PTCD1: variants seen among roughly 807,000 people sequenced by gnomAD.
PTCD1 encodes pentatricopeptide repeat-containing protein 1, mitochondrial.
Under a neutral mutation model 53.4 loss-of-function variants are expected in PTCD1, and 50 were observed. That is an observed-to-expected ratio of 0.94 (90% CI 0.75 to 1.19). The LOEUF (loss-of-function observed/expected upper bound fraction) is 1.19. PTCD1 is among the 50% of genes most tolerant of loss of function. The pLI, the probability that PTCD1 is intolerant of heterozygous loss-of-function variation, is 0.00. For missense variants in PTCD1, 918 were observed against 904.8 expected (o/e 1.01, Z -0.19); for synonymous variants, 413 against 394.8 (o/e 1.05, Z -0.55).
chr7:99,433,483 G>T, intron 2 of PTCD1, 65 bp from the exon 3 acceptor site: 1 of 1,612,208 alleles, frequency 6.2e-7, no homozygotes, highest in Non-Finnish European at 8.5e-7. Flanking sequence ...CAGAGAGAGG[G>T]AGGTTGAAGC....
rs115208339 is a variant in PTCD1, at chr7:99,433,266, G to A, written c.594+12C>T. 9.8e-4 allele frequency: 1,579 copies of A among 1,614,078 alleles called. 9 individuals are homozygous for A. In the African/African-American group the frequency reaches 0.019, roughly 19 times the overall value. Reference sequence around the variant, plus strand: ...CAGAGCCTCACCCCGGCTGCCCTGCGCCCACATGCACCTGGTTGTAGAGGT... The same window carrying A: ...CAGAGCCTCACCCCGGCTGCCCTGCACCCACATGCACCTGGTTGTAGAGGT... On this transcript the variant is annotated intron_variant, in intron 3 of 7. Transcript: ENST00000292478.
At chr7:99,420,275 A>G in intron 7 of PTCD1, 126 bp from the exon 8 acceptor site, 1 of 1,367,444 alleles carries the variant, frequency 7.3e-7, no homozygotes. Flanking sequence ...GCTGCAGAGG[A>G]CAGGGCAGAA....
intron 3 of PTCD1, among the ~76,000 whole-genome samples, chr7:99,432,625 G>A (rs969073622): frequency 6.6e-6 from 1 of 152,052 alleles, no homozygotes; most frequent in African/African-American, 2.4e-5. Flanking sequence ...CTCCGTATGC[G>A]GGATGCTGAG....
chr7:99,423,647 A>G, intron 7 of PTCD1, 128 bp downstream of exon 7: 1 of 1,481,116 alleles, frequency 6.8e-7, no homozygotes, highest in Non-Finnish European at 9.3e-7. Context: ...TACTGCTCCT[A>G]AGGGAAGCTG....
At chr7:99,432,929 C>G in intron 3 of PTCD1, 2 of 402,130 alleles carry the variant, frequency 5.0e-6, no homozygotes, top group South Asian at 4.3e-5. Flanking sequence ...CACACCTGTG[C>G]TCACAGCTAC....
intron 1 of PTCD1, 122 bp downstream of exon 1, chr7:99,438,570 T>C: frequency 1.8e-6 from 2 of 1,132,618 alleles, no homozygotes; most frequent in Non-Finnish European, 1.1e-6. Context: ...CACGGACTTC[T>C]GCAGCCTCAG....
At chr7:99,432,986 C>T (rs1253801970) in intron 3 of PTCD1, 4 of 488,800 alleles carry the variant, frequency 8.2e-6, no homozygotes, top group Non-Finnish European at 1.5e-5. Flanking sequence ...GAGTTGGAGG[C>T]TGCAGTGAGC....
In PTCD1 at chr7:99,424,510, A is replaced by G. The variant is rs1584455097; in HGVS notation, c.1737+285T>C. ...CTGAGAATCCCTGCCATACCTCTAG[A>G]GTGTTGGGGCCGAGGCCTGTGCCCA... is the stretch of plus-strand genomic sequence containing the variant. On this transcript the variant is annotated intron_variant, in intron 6 of 7. Coordinates refer to ENST00000292478, the MANE Select transcript of PTCD1 (RefSeq NM_015545.4). 2.0e-5 allele frequency among the ~76,000 whole-genome samples: 3 copies of G among 152,314 alleles called. No individual in the cohort carries two copies. The East Asian group carries it at 5.8e-4, about 29-fold the overall frequency.
intron 3 of PTCD1, 82 bp from the exon 4 acceptor site, chr7:99,429,888 C>T: frequency 6.5e-7 from 1 of 1,548,584 alleles, no homozygotes; most frequent in Non-Finnish European, 8.8e-7. Flanking sequence ...GAGGCTGAGG[C>T]TGGAGAGGAC....
intron 5 of PTCD1, among the ~76,000 whole-genome samples, 197 bp downstream of exon 5, chr7:99,428,906 C>T (rs536596594): frequency 1.5e-4 from 23 of 151,994 alleles, no homozygotes; most frequent in African/African-American, 5.1e-4. Context: ...GGGCGGGGGC[C>T]ACCCTCATTC....
rs1795717913 is a variant in PTCD1 at position 99,419,789 on chromosome 7, C to T, written c.*178G>A. 3 of 1,054,936 alleles carry T rather than the reference C, an allele frequency of 2.8e-6. No homozygotes were observed. The highest frequency in any genetic ancestry group is 1.6e-5 in the South Asian group (1 of 63,384). 65.3% of individuals were successfully genotyped at this position (1,054,936 alleles called of 1,614,324 possible). On this transcript the variant is annotated 3_prime_UTR_variant, in exon 8 of 8. Coordinates refer to ENST00000292478, the MANE Select transcript of PTCD1 (RefSeq NM_015545.4). ...AAAGGTGGCTGGAGCTGCACTTGGA[C>T]CTGCTGGGAGCACAGGCACCTTGGG...
rs936925054 is a variant in PTCD1 at position 99,419,609 on chromosome 7, T to C, written c.*358A>G. On this transcript the variant is annotated 3_prime_UTR_variant, in exon 8 of 8. Transcript: ENST00000292478. ...GATTTGTAAAAATAAAATCTTTAAA[T>C]CTCTCGAGCCCCACGTCTCTTCTTT... 1.2e-6 allele frequency: 1 copy of C among 860,922 alleles called. No homozygotes were observed. Among genetic ancestry groups the C allele is most frequent in the African/African-American group, 1.7e-5 (1 of 58,618 alleles). The allele number at this position is 860,922 out of a possible 1,614,324, so 53.3% of individuals were successfully genotyped here. A position where few individuals can be genotyped will look rare whatever the true frequency, so the allele number is the denominator to read the frequency against.
At position 99,424,650 on chromosome 7, in the gene PTCD1, G is replaced by A. The variant is rs191497237; in HGVS notation, c.1737+145C>T. ...TCCCCCAAAATGGGACCAAAGACCA[G>A]AAGGTCATTGACCCCACTCTCTTTG... On this transcript the variant is annotated intron_variant, in intron 6 of 7. Transcript: ENST00000292478. 1.6e-4 allele frequency: 176 copies of A among 1,114,268 alleles called. 1 individual carries two copies. In the African/African-American group the frequency reaches 2.4e-3, roughly 15 times the overall value. The allele number at this position is 1,114,268 out of a possible 1,614,324, so 69.0% of individuals were successfully genotyped here. A position where few individuals can be genotyped will look rare whatever the true frequency, so the allele number is the denominator to read the frequency against.
chr7:99,425,553 C>T lies in PTCD1; in HGVS notation c.979G>A (p.Val327Met). ...CCTAGGCCACAGTCCCGAGCTGCCACCAACAGCAGGTTGTAGCTGTCCCGG... is the reference window on the plus strand; with the variant it reads ...CCTAGGCCACAGTCCCGAGCTGCCATCAACAGCAGGTTGTAGCTGTCCCGG... ...PSRDSYNLLLVAARDCGLGDP... is the reference protein window; with the variant it reads ...PSRDSYNLLLMAARDCGLGDP... The change falls in exon 6 of 8, where the codon GTG (valine) becomes ATG (methionine). Residue 327 changes from valine (V) to methionine (M), a missense_variant. Coordinates refer to ENST00000292478, the MANE Select transcript of PTCD1 (RefSeq NM_015545.4). The T allele has an allele frequency of 6.2e-7, 1 of 1,612,780 alleles. No individual in the cohort carries two copies. Among genetic ancestry groups the T allele is most frequent in the East Asian group, 2.2e-5 (1 of 44,890 alleles).
intron 5 of PTCD1, among the ~76,000 whole-genome samples, chr7:99,425,898 C>A (rs987415959): frequency 6.6e-6 from 1 of 152,178 alleles, no homozygotes; most frequent in African/African-American, 2.4e-5. Context: ...GAAACCCCAT[C>A]TCTACTAAAA....
At position 99,417,669 on chromosome 7, in the gene PTCD1, T is replaced by C. The variant is rs111869393; in HGVS notation, c.*2298A>G. The C allele has an allele frequency of 2.2e-3, 3,422 of 1,585,040 alleles. 6 individuals carry two copies. Among genetic ancestry groups the C allele is most frequent in the Middle Eastern group, 7.9e-3 (48 of 6,048 alleles). On this transcript the variant is annotated 3_prime_UTR_variant, in exon 8 of 8. Coordinates refer to ENST00000292478, the MANE Select transcript of PTCD1 (RefSeq NM_015545.4). ...CCTTAGTCGACTGCAAGGGATCTTATGTTATTTGGTTGGGCTGGAATGTCG... is the reference window on the plus strand; with the variant it reads ...CCTTAGTCGACTGCAAGGGATCTTACGTTATTTGGTTGGGCTGGAATGTCG...
At chr7:99,434,100 A>G (rs1024798766) in intron 2 of PTCD1, among the ~76,000 whole-genome samples, 6 of 151,412 alleles carry the variant, frequency 4.0e-5, no homozygotes, top group Non-Finnish European at 7.4e-5. Context: ...ATGAAATGGG[A>G]TAATTAAGAA....
intron 5 of PTCD1, among the ~76,000 whole-genome samples, chr7:99,427,013 C>T (rs190256229): frequency 0.11 from 17,055 of 150,698 alleles, 1,161 homozygotes; most frequent in African/African-American, 0.18. Context: ...GGAGCCCCTC[C>T]GCCCGGGAGT....
intron 7 of PTCD1, among the ~76,000 whole-genome samples, chr7:99,422,131 G>C (rs1795844191): frequency 6.6e-6 from 1 of 152,160 alleles, no homozygotes; most frequent in South Asian, 2.1e-4. Flanking sequence ...ATGAGAAAAG[G>C]CTTGCAACCA....
Sources: allele counts gnomAD v4.1 joint callset (sites outside exome capture counted in the v4.1 genomes callset), GRCh38; gene constraint gnomAD v4.1.1; transcripts MANE v1.5; gene names NCBI Gene and HGNC (gene_info 2026-07-23, HGNC 2026-07-21).